Variants in DSC3 observed in about 807,000 individuals in gnomAD.
The protein encoded by DSC3 is desmocollin 3, also known as desmocollin-3.
Under a neutral mutation model 89.5 loss-of-function variants are expected in DSC3, and 97 were observed. That is an observed-to-expected ratio of 1.08 (90% CI 0.92 to 1.28). The LOEUF (loss-of-function observed/expected upper bound fraction) is 1.28. Ranked by LOEUF, DSC3 falls within the 50% of genes most tolerant of loss-of-function variation. The pLI is 0.00. For missense variants in DSC3, 1,199 were observed against 1,085.3 expected (o/e 1.10, Z -1.47); for synonymous variants, 436 against 384.1 (o/e 1.14, Z -1.58).
Position 31,004,298 on chromosome 18 carries a change from T to A in DSC3, c.1957A>T (p.Lys653Ter). The A allele has an allele frequency of 6.2e-7, 1 of 1,614,066 alleles. No individual in the cohort carries two copies. The highest frequency in any genetic ancestry group is 8.5e-7 in the Non-Finnish European group (1 of 1,179,954). The part of the protein sequence containing the change: ...FQEYTIPITV[K>*]DRAGQAATKL... ...GTTGCAGCTTGGCCGGCCCTGTCTT[T>A]TACAGTAATAGGAATGGTATATTCT... The change falls in exon 13 of 16, where the codon AAA (lysine) becomes TAA (stop). Residue 653 changes from lysine to a stop codon, truncating the protein, a stop_gained. Transcript: ENST00000360428. LOFTEE classifies it high-confidence loss of function.
At chr18:31,015,211 C>G (rs1985196023) in intron 9 of DSC3, among the ~76,000 whole-genome samples, 1 of 151,978 alleles carries the variant, frequency 6.6e-6, no homozygotes, top group African/African-American at 2.4e-5. Flanking sequence ...TTGATACACT[C>G]CAGATGTGAA....
intron 1 of DSC3, 67 bp downstream of exon 1, chr18:31,042,525 C>G (rs1986167333): frequency 1.4e-6 from 2 of 1,470,114 alleles, no homozygotes; most frequent in Non-Finnish European, 1.9e-6. Flanking sequence ...TCCCCAGCTC[C>G]GTGCAGCGTC....
chr18:31,033,942 G>A (rs1985886555), intron 1 of DSC3, among the ~76,000 whole-genome samples: 1 of 152,140 alleles, frequency 6.6e-6, no homozygotes, highest in African/African-American at 2.4e-5. Context: ...TCCTGCCTCA[G>A]CCTCCGGAGT....
intron 1 of DSC3, among the ~76,000 whole-genome samples, chr18:31,039,838 T>A (rs1986078407): frequency 6.6e-6 from 1 of 152,224 alleles, no homozygotes; most frequent in Non-Finnish European, 1.5e-5. Flanking sequence ...AGGTAGCTGA[T>A]AATGCATCAA....
Position 31,022,160 on chromosome 18 carries a change from C to T in DSC3, c.942+176G>A, listed in dbSNP as rs879137152. Among the ~76,000 whole-genome samples the T allele has an allele frequency of 2.6e-5, 4 of 152,206 alleles. No homozygotes were observed. In the South Asian group the frequency reaches 8.3e-4, roughly 32 times the overall value. On this transcript the variant is annotated intron_variant, in intron 7 of 15. Transcript: ENST00000360428. The stretch of plus-strand genomic sequence containing the variant: ...TCTGCGTTTCTAGTCCTTATGGCTA[C>T]TCTAACATAAGGAAATAGAAATAAT...
At chr18:31,027,838 T>C (rs1471162355) in intron 4 of DSC3, among the ~76,000 whole-genome samples, 2 of 152,140 alleles carry the variant, frequency 1.3e-5, no homozygotes, top group Non-Finnish European at 2.9e-5. Context: ...TAATAAATGG[T>C]AATAAATCCT....
chr18:31,040,070 A>G (rs558648944), intron 1 of DSC3, among the ~76,000 whole-genome samples: 7 of 152,292 alleles, frequency 4.6e-5, no homozygotes, highest in East Asian at 1.9e-4. Flanking sequence ...ATTCACATTA[A>G]CCCTAACAAA....
chr18:30,994,743 G>A (rs1175923170), intron 15 of DSC3, among the ~76,000 whole-genome samples: 1 of 152,196 alleles, frequency 6.6e-6, no homozygotes, highest in African/African-American at 2.4e-5. Context: ...AGCCTTGGTT[G>A]TGAGTCAAAG....
At chr18:31,029,679 A>G (rs1307687460) in intron 3 of DSC3, 51 bp from the exon 4 acceptor site, 1 of 1,610,168 alleles carries the variant, frequency 6.2e-7, no homozygotes, top group Non-Finnish European at 8.5e-7. Context: ...ATCACAGTCT[A>G]CTTTGTGTAA....
intron 1 of DSC3, among the ~76,000 whole-genome samples, chr18:31,038,111 T>C (rs1255122787): frequency 5.3e-5 from 8 of 152,230 alleles, no homozygotes. Flanking sequence ...AAAATATTTA[T>C]ATCTTACAAA....
At chr18:30,999,618 T>C (rs1481980838) in intron 14 of DSC3, among the ~76,000 whole-genome samples, 2 of 152,206 alleles carry the variant, frequency 1.3e-5, no homozygotes, top group African/African-American at 4.8e-5. Context: ...TCTCTGCTCC[T>C]TTCTGTCCTC....
Position 30,996,950 on chromosome 18 carries a change from G to T in DSC3, c.2334C>A (p.Thr778=), listed in dbSNP as rs777381225. The change falls in exon 15 of 16, where the codon ACC becomes ACA. Residue 778 remains threonine, a synonymous_variant. Coordinates refer to ENST00000360428, the MANE Select transcript of DSC3 (RefSeq NM_001941.5). ...GGTTTCCTCCTTTCATCATTTCAATGGTTTCCTGCCCTCCATTTTTCATTC... is the reference window on the plus strand; with the variant it reads ...GGTTTCCTCCTTTCATCATTTCAATTGTTTCCTGCCCTCCATTTTTCATTC... ...GSGMKNGGQE[T]IEMMKGGNQT... The T allele has an allele frequency of 8.1e-6, 13 of 1,613,982 alleles. No individual in the cohort carries two copies. Among genetic ancestry groups the T allele is most frequent in the Non-Finnish European group, 1.0e-5 (12 of 1,180,016 alleles).
chr18:31,024,164 T>C (rs959036228), intron 6 of DSC3, among the ~76,000 whole-genome samples, 185 bp downstream of exon 6: 1 of 152,120 alleles, frequency 6.6e-6, no homozygotes, highest in East Asian at 1.9e-4. Flanking sequence ...GACAGAAACT[T>C]CTGTACTATC....
At chr18:30,997,075 T>A in intron 14 of DSC3, 27 bp from the exon 15 acceptor site, 1 of 1,613,834 alleles carries the variant, frequency 6.2e-7, no homozygotes, top group Non-Finnish European at 8.5e-7. Context: ...AAATAATTCA[T>A]GTTGAGAGGA....
intron 13 of DSC3, among the ~76,000 whole-genome samples, chr18:31,003,267 C>G (rs1984727443): frequency 6.6e-6 from 1 of 152,164 alleles, no homozygotes; most frequent in African/African-American, 2.4e-5. Context: ...TTTTTTCCTC[C>G]ATAGCATTTA....
intron 15 of DSC3, among the ~76,000 whole-genome samples, chr18:30,996,226 TCACCA>T (rs1201810686): frequency 6.6e-6 from 1 of 152,106 alleles, no homozygotes; most frequent in African/African-American, 2.4e-5. Context: ...TCAAATGTTC[TCACCA>T]CAAAAAATAA....
intron 7 of DSC3, among the ~76,000 whole-genome samples, chr18:31,019,016 G>A (rs1179487709): frequency 6.6e-6 from 1 of 152,246 alleles, no homozygotes; most frequent in African/African-American, 2.4e-5. Context: ...CCCGTACTCA[G>A]AAATTATGCT....
chr18:31,035,666 T>A (rs931806651), intron 1 of DSC3, among the ~76,000 whole-genome samples: 1 of 151,808 alleles, frequency 6.6e-6, no homozygotes, highest in East Asian at 1.9e-4. Flanking sequence ...AACTGTGAAA[T>A]ATTTAAATCA....
intron 1 of DSC3, among the ~76,000 whole-genome samples, chr18:31,039,405 A>C (rs1455839952): frequency 6.6e-6 from 1 of 152,190 alleles, no homozygotes; most frequent in Non-Finnish European, 1.5e-5. Flanking sequence ...AAAGAATGGA[A>C]ATTTATGGAA....
Sources: allele counts gnomAD v4.1 joint callset (sites outside exome capture counted in the v4.1 genomes callset), GRCh38; gene constraint gnomAD v4.1.1; transcripts MANE v1.5; gene names NCBI Gene and HGNC (gene_info 2026-07-23, HGNC 2026-07-21).